BPIFB6: variants seen among roughly 807,000 people sequenced by gnomAD.
BPIFB6 encodes the protein BPI fold containing family B member 6, also known as BPI fold-containing family B member 6.
A neutral mutation model predicts 54.7 loss-of-function variants in BPIFB6; 47 were observed. The observed-to-expected ratio is 0.86, with a 90% confidence interval of 0.68 to 1.10. The LOEUF is 1.10. Ranked by LOEUF, BPIFB6 falls within the 50% of genes least tolerant of loss-of-function variation. The probability of loss-of-function intolerance (pLI) is 0.00; values close to 1 mark genes in which losing one functional copy is unlikely to be tolerated. For synonymous variants in BPIFB6, 255 were observed against 225.9 expected, an observed-to-expected ratio of 1.13 and a Z score of -1.16; for missense variants, 603 against 564.1, an observed-to-expected ratio of 1.07 and a Z score of -0.70.
At chr20:33,032,807 T>C (rs1189696240) in intron 1 of BPIFB6, among the ~76,000 whole-genome samples, 177 bp from the exon 2 acceptor site, 4 of 152,202 alleles carry the variant, frequency 2.6e-5, no homozygotes, top group Non-Finnish European at 5.9e-5. Flanking sequence ...TCCTACAGCT[T>C]GTTACTGTCA....
At chr20:33,036,873 C>A (rs1464390467) in intron 7 of BPIFB6, among the ~76,000 whole-genome samples, 2 of 152,156 alleles carry the variant, frequency 1.3e-5, no homozygotes, top group Non-Finnish European at 2.9e-5. Flanking sequence ...CAGTGACCTA[C>A]CCAAGGCCAC....
Position 33,042,022 on chromosome 20 carries a change from G to A in BPIFB6, c.1188+7G>A. On this transcript the variant is annotated splice_region_variant and intron_variant, in intron 12 of 14. Transcript: ENST00000349552. ...ATCGATTGGCAACTTCAATGTAAGTGTCCCAAGTGCTCTTGCCTGTCCGGC... is the reference window on the plus strand; with the variant it reads ...ATCGATTGGCAACTTCAATGTAAGTATCCCAAGTGCTCTTGCCTGTCCGGC... The A allele has an allele frequency of 6.2e-7, 1 of 1,613,516 alleles. No homozygotes were observed. The highest frequency in any genetic ancestry group is 1.1e-5 in the South Asian group (1 of 91,064).
At chr20:33,034,728 A>T in intron 3 of BPIFB6, 35 bp from the exon 4 acceptor site, 1 of 1,571,244 alleles carries the variant, frequency 6.4e-7, no homozygotes, top group Non-Finnish European at 8.7e-7. Context: ...ACCATGGCAG[A>T]GATGCCCATG....
intron 13 of BPIFB6, among the ~76,000 whole-genome samples, 168 bp downstream of exon 13, chr20:33,043,046 C>T (rs138978323): frequency 3.7e-4 from 56 of 152,352 alleles, no homozygotes; most frequent in African/African-American, 1.3e-3. Context: ...CTTAATGTCA[C>T]CTGTCTGAAG....
intron 1 of BPIFB6, 120 bp downstream of exon 1, chr20:33,031,864 A>G: frequency 1.3e-6 from 1 of 758,964 alleles, no homozygotes; most frequent in Non-Finnish European, 2.3e-6. Flanking sequence ...TAAACTTATA[A>G]GCAAGTGTTA....
intron 11 of BPIFB6, among the ~76,000 whole-genome samples, chr20:33,041,570 T>C (rs1979586398): frequency 6.6e-6 from 1 of 151,950 alleles, no homozygotes; most frequent in South Asian, 2.1e-4. Context: ...TGGCAACATA[T>C]GTTAGTGCCT....
intron 11 of BPIFB6, 127 bp from the exon 12 acceptor site, chr20:33,041,843 C>A (rs1979598942): frequency 3.9e-6 from 3 of 767,168 alleles, no homozygotes; most frequent in Middle Eastern, 2.4e-4. Context: ...GGTCTGAAGG[C>A]TGTAGAGGGG....
At chr20:33,034,944 G>T (rs201947407) in intron 4 of BPIFB6, 32 bp downstream of exon 4, 2 of 1,604,718 alleles carry the variant, frequency 1.2e-6, no homozygotes, top group African/African-American at 1.3e-5. Flanking sequence ...GAGGAAGGCC[G>T]GTCCATATTG....
At position 33,034,879 on chromosome 20, in the gene BPIFB6, T is replaced by C. The variant is rs751070760; in HGVS notation, c.419T>C (p.Ile140Thr). ...PVFKSEGCEV[I>T]LVNVKTNLPS... is the part of the protein sequence containing the mutation. ...TTCAAGAGTGAGGGCTGTGAGGTCA[T>C]CCTGGTCAATGTGAAGACTAACCTG... The change falls in exon 4 of 15, where the codon ATC becomes ACC. Residue 140 changes from isoleucine (I) to threonine (T), a missense_variant. Coordinates refer to ENST00000349552, the MANE Select transcript of BPIFB6 (RefSeq NM_174897.2). 1.2e-6 allele frequency: 2 copies of C among 1,612,986 alleles called. No homozygotes were observed. The highest frequency in any genetic ancestry group is 3.3e-5 in the Admixed American group (2 of 59,992).
chr20:33,037,778 A>T (rs200612170), intron 8 of BPIFB6, 40 bp downstream of exon 8: 2 of 1,598,658 alleles, frequency 1.3e-6, no homozygotes, highest in Non-Finnish European at 8.6e-7. Context: ...GCCTCTGTCC[A>T]TTACAATGCA....
chr20:33,036,487 T>C lies in BPIFB6; in HGVS notation c.620T>C (p.Leu207Pro). The change falls in exon 7 of 15, where the codon CTG (leucine) becomes CCG (proline). Residue 207 changes from leucine (L) to proline (P), a missense_variant. Coordinates refer to ENST00000349552, the MANE Select transcript of BPIFB6 (RefSeq NM_174897.2). Reference sequence around the variant, plus strand: ...CAGATGGGCACCGTCAAATATGTTCTGATGTCCGCACCAGCCACCACAGCC... The same window carrying C: ...CAGATGGGCACCGTCAAATATGTTCCGATGTCCGCACCAGCCACCACAGCC... ...VGQMGTVKYVLMSAPATTASY... is the reference protein window; with the variant it reads ...VGQMGTVKYVPMSAPATTASY... The C allele has an allele frequency of 6.2e-7, 1 of 1,614,174 alleles. No homozygotes were observed. The highest frequency in any genetic ancestry group is 8.5e-7 in the Non-Finnish European group (1 of 1,180,018).
chr20:33,035,067 C>T lies in BPIFB6; in HGVS notation c.453-14C>T. On this transcript the variant is annotated splice_polypyrimidine_tract_variant and intron_variant, in intron 4 of 14. Coordinates refer to ENST00000349552, the MANE Select transcript of BPIFB6 (RefSeq NM_174897.2). The stretch of plus-strand genomic sequence containing the variant: ...GCACCTGCCCACCTATCCTCGGTGC[C>T]TGTGTCCATCTAGCATGCTCCCCAA... 1 of 1,613,832 alleles carries T rather than the reference C, an allele frequency of 6.2e-7. No homozygotes were observed. Among genetic ancestry groups the T allele is most frequent in the South Asian group, 1.1e-5 (1 of 91,036 alleles).
chr20:33,034,350 A>C, intron 3 of BPIFB6, 60 bp downstream of exon 3: 1 of 1,129,714 alleles, frequency 8.9e-7, no homozygotes. Context: ...TCATCCTTAC[A>C]TGCACATATA....
chr20:33,043,033 A>G (rs1422197891), intron 13 of BPIFB6, among the ~76,000 whole-genome samples, 155 bp downstream of exon 13: 1 of 152,264 alleles, frequency 6.6e-6, no homozygotes, highest in Non-Finnish European at 1.5e-5. Context: ...AAGTGAATAT[A>G]GTCTTAATGT....
intron 1 of BPIFB6, among the ~76,000 whole-genome samples, chr20:33,032,032 G>T (rs775108181): frequency 2.6e-5 from 4 of 152,306 alleles, no homozygotes; most frequent in Admixed American, 6.5e-5. Context: ...CCACAAGTGG[G>T]CTGTGGGAGT....
Position 33,034,185 on chromosome 20 carries a change from G to A in BPIFB6, c.198-1G>A, listed in dbSNP as rs761285741. ...TGGTGTGGCTGCCTGTCCCTTCCCAGTTTGAAGGTGAAGGATGTCCAGCTG... is the reference window on the plus strand; with the variant it reads ...TGGTGTGGCTGCCTGTCCCTTCCCAATTTGAAGGTGAAGGATGTCCAGCTG... On this transcript the variant is annotated splice_acceptor_variant, in intron 2 of 14. Transcript: ENST00000349552. LOFTEE classifies it high-confidence loss of function. The A allele has an allele frequency of 1.2e-6, 2 of 1,611,186 alleles. No homozygotes were observed. The highest frequency in any genetic ancestry group is 1.3e-5 in the African/African-American group (1 of 74,834).
intron 3 of BPIFB6, among the ~76,000 whole-genome samples, chr20:33,034,543 A>G (rs1052061537): frequency 1.3e-5 from 2 of 152,212 alleles, no homozygotes; most frequent in African/African-American, 4.8e-5. Flanking sequence ...ATGACAGCAA[A>G]GCAGATTTTA....
At chr20:33,032,625 C>T (rs1445952287) in intron 1 of BPIFB6, among the ~76,000 whole-genome samples, 2 of 152,196 alleles carry the variant, frequency 1.3e-5, no homozygotes, top group African/African-American at 2.4e-5. Context: ...ACTGTGCCAC[C>T]TTCTCTCCCA....
chr20:33,039,662 C>T, intron 10 of BPIFB6, 142 bp downstream of exon 10: 1 of 974,934 alleles, frequency 1.0e-6, no homozygotes, highest in Non-Finnish European at 1.5e-6. Flanking sequence ...GGCTCTGCCA[C>T]TGAACCTTTG....
Sources: gnomAD v4.1 joint callset for allele counts (sites outside exome capture counted in the v4.1 genomes callset) on GRCh38, gnomAD v4.1.1 for gene constraint, MANE v1.5 for transcripts, NCBI Gene and HGNC (gene_info 2026-07-23, HGNC 2026-07-21) for gene names.